PLEKHA5: variants seen among roughly 807,000 people sequenced by gnomAD.
The protein encoded by PLEKHA5 is pleckstrin homology domain-containing family A member 5.
A neutral mutation model predicts 181.9 loss-of-function variants in PLEKHA5; 55 were observed. The observed-to-expected ratio is 0.30, with a 90% CI of 0.24 to 0.38. The LOEUF (loss-of-function observed/expected upper bound fraction) is 0.38, where lower values mean the gene tolerates loss of function less well. Among genes scored for constraint, PLEKHA5 ranks in the 10% least tolerant of loss-of-function variants. PLEKHA5 has a pLI of 1.00. For missense variants in PLEKHA5, 1,432 were observed against 1,549.5 expected, an observed-to-expected ratio of 0.92 and a Z score of 1.27; for synonymous variants, 535 against 529.4, an observed-to-expected ratio of 1.01 and a Z score of -0.15.
intron 15 of PLEKHA5, 38 bp downstream of exon 15, chr12:19,291,735 A>G: frequency 1.9e-6 from 2 of 1,074,694 alleles, no homozygotes; most frequent in South Asian, 1.5e-5. Flanking sequence ...TTAATACTTA[A>G]TAGAACTTCT....
At chr12:19,162,800 C>A (rs186761187) in intron 3 of PLEKHA5, among the ~76,000 whole-genome samples, 2 of 152,128 alleles carry the variant, frequency 1.3e-5, no homozygotes, top group African/African-American at 4.8e-5. Flanking sequence ...ACTAATGAGA[C>A]AATGAAAGTA....
chr12:19,130,247 C>A lies in PLEKHA5; in HGVS notation c.169+117C>A. 1 of 491,768 alleles carries A rather than the reference C, an allele frequency of 2.0e-6. No individual in the cohort carries two copies. Among genetic ancestry groups the A allele is most frequent in the Non-Finnish European group, 3.1e-6 (1 of 320,888 alleles). 30.5% of individuals were successfully genotyped at this position (491,768 alleles called of 1,614,324 possible). On this transcript the variant is annotated intron_variant, in intron 2 of 31. Coordinates refer to ENST00000429027, the MANE Select transcript of PLEKHA5 (RefSeq NM_001256470.2). This position sits in a 1 kb window ranked among gnomAD's most constrained non-coding sequence, Gnocchi z 4.5. ...GGCCCCGGGAGGCGGCGAGGCGGGG[C>A]GGAGGCCGGGCGGGAGCGGCCGCAG...
chr12:19,355,455 G>C (rs1054818149), intron 26 of PLEKHA5, among the ~76,000 whole-genome samples: 1 of 150,882 alleles, frequency 6.6e-6, no homozygotes, highest in African/African-American at 2.4e-5. Flanking sequence ...GGACTCAAGG[G>C]ATCCTCTCAC....
intron 21 of PLEKHA5, among the ~76,000 whole-genome samples, chr12:19,337,834 C>G (rs1415088369): frequency 6.6e-6 from 1 of 152,040 alleles, no homozygotes; most frequent in East Asian, 1.9e-4. Flanking sequence ...GAGCTCAAGA[C>G]CAGCCTGGCC....
At chr12:19,361,525 GC>G (rs1257713258) in intron 28 of PLEKHA5, 56 bp from the exon 29 acceptor site, 1 of 882,974 alleles carries the variant, frequency 1.1e-6, no homozygotes, top group African/African-American at 1.7e-5. Flanking sequence ...TTTTAGATAT[GC>G]TAATCTAATG....
chr12:19,257,858 T>C (rs1369437679), intron 6 of PLEKHA5, among the ~76,000 whole-genome samples: 1 of 152,126 alleles, frequency 6.6e-6, no homozygotes, highest in Non-Finnish European at 1.5e-5. Flanking sequence ...AATGTCAAAA[T>C]TGAAATAAAC....
chr12:19,345,143 T>C (rs2094224615), intron 22 of PLEKHA5, among the ~76,000 whole-genome samples: 1 of 151,602 alleles, frequency 6.6e-6, no homozygotes, highest in Non-Finnish European at 1.5e-5. Context: ...CTCATGCCTG[T>C]AATCCGAGCA....
chr12:19,183,543 G>T (rs2049090023), intron 3 of PLEKHA5, among the ~76,000 whole-genome samples: 1 of 152,122 alleles, frequency 6.6e-6, no homozygotes, highest in Non-Finnish European at 1.5e-5. Context: ...AATTCAGATT[G>T]TAACGACACT....
At chr12:19,222,307 A>G (rs753380967) in intron 3 of PLEKHA5, among the ~76,000 whole-genome samples, 8 of 152,056 alleles carry the variant, frequency 5.3e-5, no homozygotes, top group Non-Finnish European at 8.8e-5. Context: ...TTCATTTCCT[A>G]GTGTCTGTAA....
At chr12:19,264,783 A>G (rs1390995313) in intron 7 of PLEKHA5, among the ~76,000 whole-genome samples, 1 of 20,480 alleles carries the variant, frequency 4.9e-5, no homozygotes, top group African/African-American at 6.3e-5. Context: ...GATAATTAGG[A>G]AAAACAAAAA....
chr12:19,224,839 A>G (rs2059468353), intron 3 of PLEKHA5, among the ~76,000 whole-genome samples: 2 of 152,158 alleles, frequency 1.3e-5, no homozygotes, highest in Admixed American at 6.5e-5. Context: ...ATTTACTTGG[A>G]AAAAATTAGT....
At chr12:19,146,662 G>A (rs2038999962) in intron 3 of PLEKHA5, among the ~76,000 whole-genome samples, 3 of 152,150 alleles carry the variant, frequency 2.0e-5, no homozygotes, top group Admixed American at 1.3e-4. Context: ...GCAACCCAGT[G>A]GAAAGCCCAG....
At chr12:19,200,537 T>C (rs2053962422) in intron 3 of PLEKHA5, 1 of 1,324,724 alleles carries the variant, frequency 7.5e-7, no homozygotes, top group Non-Finnish European at 9.7e-7. Flanking sequence ...TCAGAATGCT[T>C]GTCTCACTCC....
chr12:19,366,137 T>A (rs894306658), intron 30 of PLEKHA5, 28 bp downstream of exon 30: 1 of 1,555,808 alleles, frequency 6.4e-7, no homozygotes, highest in African/African-American at 1.4e-5. Flanking sequence ...CATAATTTTC[T>A]ACCTGGTGCT....
At chr12:19,309,358 T>G (rs1240531414) in intron 15 of PLEKHA5, among the ~76,000 whole-genome samples, 1 of 151,860 alleles carries the variant, frequency 6.6e-6, no homozygotes, top group East Asian at 1.9e-4. Flanking sequence ...GAGTCCATCT[T>G]AAAGAAAAAA....
chr12:19,346,647 A>G (rs1032560348), intron 23 of PLEKHA5, among the ~76,000 whole-genome samples: 41 of 152,284 alleles, frequency 2.7e-4, no homozygotes, highest in African/African-American at 9.9e-4. Context: ...TAAATAAGAT[A>G]AATTGTGAAA....
In PLEKHA5 at chr12:19,270,123, C is replaced by A. The variant is rs946965849; in HGVS notation, c.828-65C>A. 4.2e-6 allele frequency: 4 copies of A among 944,778 alleles called. No homozygotes were observed. The Admixed American group carries it at 9.7e-5, about 23-fold the overall frequency. The allele number at this position is 944,778 out of a possible 1,614,324, so 58.5% of individuals were successfully genotyped here. A position where few individuals can be genotyped will look rare whatever the true frequency, so the allele number is the denominator to read the frequency against. ...CTTTTTCTTCTTTATTCATTTTCAC[C>A]TATCGGTGTACTGGGGTGAATCCAG... On this transcript the variant is annotated intron_variant, in intron 9 of 31. Coordinates refer to ENST00000429027, the MANE Select transcript of PLEKHA5 (RefSeq NM_001256470.2).
chr12:19,221,957 G>A (rs1452572718), intron 3 of PLEKHA5, among the ~76,000 whole-genome samples: 1 of 152,038 alleles, frequency 6.6e-6, no homozygotes, highest in Admixed American at 6.5e-5. Flanking sequence ...ATTGACTTTA[G>A]TTAATTTTTA....
At chr12:19,370,519 C>G (rs1322275830) in intron 31 of PLEKHA5, among the ~76,000 whole-genome samples, 2 of 152,034 alleles carry the variant, frequency 1.3e-5, no homozygotes, top group African/African-American at 2.4e-5. Flanking sequence ...TATAAAAGCT[C>G]TGGTGTAGAG....
Sources: gnomAD v4.1 joint callset for allele counts (sites outside exome capture counted in the v4.1 genomes callset) on GRCh38, gnomAD v4.1.1 for gene constraint, Gnocchi (gnomAD v3.1) non-coding constraint, MANE v1.5 for transcripts, NCBI Gene and HGNC (gene_info 2026-07-23, HGNC 2026-07-21) for gene names.